Variants in ERG observed in about 807,000 individuals in gnomAD.
ERG encodes the protein ETS transcription factor ERG, also known as transcriptional regulator ERG.
Under a neutral mutation model 55.3 loss-of-function variants are expected in ERG, and 9 were observed. The observed-to-expected ratio is 0.16, with a 90% CI of 0.10 to 0.28. The LOEUF is 0.28. Ranked by LOEUF, ERG falls within the 10% of genes least tolerant of loss-of-function variation. The pLI, the probability that ERG is intolerant of heterozygous loss-of-function variation, is 1.00. For synonymous variants in ERG, 223 were observed against 237.3 expected (o/e 0.94, Z 0.55); for missense variants, 434 against 631.6 (o/e 0.69, Z 3.35).
intron 1 of ERG, among the ~76,000 whole-genome samples, chr21:38,465,370 T>C (rs1029617919): frequency 2.0e-5 from 3 of 152,176 alleles, no homozygotes; most frequent in African/African-American, 4.8e-5. Flanking sequence ...ACAGAGATAC[T>C]GAAAGATCAG....
At chr21:38,420,727 A>G (rs145780425) in intron 3 of ERG, among the ~76,000 whole-genome samples, 77 of 152,312 alleles carry the variant, frequency 5.1e-4, no homozygotes, top group African/African-American at 1.8e-3. Flanking sequence ...TGAAAAGGAT[A>G]TTTATGACAT....
chr21:38,550,793 T>A (rs1173127761), intron 2 of ERG, among the ~76,000 whole-genome samples: 1 of 152,168 alleles, frequency 6.6e-6, no homozygotes, highest in East Asian at 1.9e-4. Flanking sequence ...AGAGATGGGA[T>A]CATTGCAAAT....
chr21:38,373,598 T>G, the ERG span, among the ~76,000 whole-genome samples: 1 of 152,078 alleles, frequency 6.6e-6, no homozygotes, highest in Non-Finnish European at 1.5e-5. Context: ...TGGGTCTGAG[T>G]TCAAGCTCTG....
intron 1 of ERG, among the ~76,000 whole-genome samples, chr21:38,491,307 G>C (rs1048423962): frequency 2.6e-5 from 4 of 152,120 alleles, no homozygotes; most frequent in Non-Finnish European, 5.9e-5. Context: ...ATGGCCTTGG[G>C]GGGAATGTGA....
At chr21:38,583,569 A>G (rs2060043244) in intron 1 of ERG, among the ~76,000 whole-genome samples, 1 of 152,212 alleles carries the variant, frequency 6.6e-6, no homozygotes, top group African/African-American at 2.4e-5. Flanking sequence ...AAATACTTAT[A>G]GCTATGGGTT....
rs1005447589 is a variant in ERG at position 38,599,062 on chromosome 21, G to C, written c.-149-14117C>G. 6.6e-5 allele frequency among the ~76,000 whole-genome samples: 10 copies of C among 152,310 alleles called. 1 individual carries two copies. Among genetic ancestry groups the C allele is most frequent in the African/African-American group, 2.4e-4 (10 of 41,560 alleles). ...AAAAACCATTTAGGCTGCCTCCAAG[G>C]GTTCCCCTAGGGTTCTGAGCTACCA... On this transcript the variant is annotated intron_variant, in intron 1 of 10. Transcript: ENST00000398910.
chr21:38,574,320 T>G (rs1311458848), intron 2 of ERG, among the ~76,000 whole-genome samples: 4 of 152,212 alleles, frequency 2.6e-5, no homozygotes, highest in Non-Finnish European at 5.9e-5. Context: ...GATTTCCTAC[T>G]TGCACTTTTT....
chr21:38,478,325 G>A (rs1253610117), intron 1 of ERG, among the ~76,000 whole-genome samples: 1 of 152,194 alleles, frequency 6.6e-6, no homozygotes, highest in East Asian at 1.9e-4. Context: ...TACAGAGAAG[G>A]AACTGTGAAA....
chr21:38,603,486 G>C (rs936638298), intron 1 of ERG, among the ~76,000 whole-genome samples: 3 of 152,006 alleles, frequency 2.0e-5, no homozygotes, highest in Admixed American at 2.0e-4. Context: ...AGGCGTGGTG[G>C]TGCGCACCCT....
chr21:38,504,951 TA>T (rs1448880364), intron 2 of ERG, among the ~76,000 whole-genome samples: 1 of 152,242 alleles, frequency 6.6e-6, no homozygotes, highest in Non-Finnish European at 1.5e-5. Flanking sequence ...GATTACTTCT[TA>T]AAGAAAGATC....
At position 38,455,937 on chromosome 21, in the gene ERG, C is replaced by T. The variant is rs571999770; in HGVS notation, c.19-10316G>A. Reference sequence around the variant, plus strand: ...TGCACGTGCCAGGATGCAGGATGGGCACTTTAAGAAGAAGCCGCAAGACCA... The same window carrying T: ...TGCACGTGCCAGGATGCAGGATGGGTACTTTAAGAAGAAGCCGCAAGACCA... On this transcript the variant is annotated intron_variant, in intron 1 of 9. Coordinates refer to ENST00000288319, the MANE Select transcript of ERG (RefSeq NM_182918.4). 4.7e-5 allele frequency among the ~76,000 whole-genome samples: 7 copies of T among 148,624 alleles called. No homozygotes were observed. In the South Asian group the frequency reaches 1.5e-3, roughly 33 times the overall value.
At chr21:38,573,585 T>A (rs1039374709) in intron 2 of ERG, among the ~76,000 whole-genome samples, 5 of 152,254 alleles carry the variant, frequency 3.3e-5, no homozygotes, top group Non-Finnish European at 7.3e-5. Context: ...TACCTTCCCT[T>A]GAACTTAATT....
At chr21:38,509,967 T>A (rs1169917110) in intron 2 of ERG, among the ~76,000 whole-genome samples, 1 of 152,124 alleles carries the variant, frequency 6.6e-6, no homozygotes, top group Non-Finnish European at 1.5e-5. Flanking sequence ...TTGACTCTAA[T>A]GAGAGCCATC....
intron 6 of ERG, among the ~76,000 whole-genome samples, chr21:38,396,921 AT>A (rs1988249576): frequency 2.0e-5 from 3 of 151,918 alleles, no homozygotes; most frequent in African/African-American, 7.2e-5. Flanking sequence ...ATAATAAAAT[AT>A]ATATATATTT....
chr21:38,522,030 C>T (rs2059598641), intron 2 of ERG, among the ~76,000 whole-genome samples: 1 of 152,136 alleles, frequency 6.6e-6, no homozygotes, highest in Admixed American at 6.5e-5. Flanking sequence ...ATGTCATATA[C>T]AATAACTACA....
intron 2 of ERG, among the ~76,000 whole-genome samples, chr21:38,547,965 A>C (rs1183432712): frequency 2.0e-5 from 3 of 152,174 alleles, no homozygotes; most frequent in Non-Finnish European, 4.4e-5. Flanking sequence ...AAATACATAG[A>C]CTCTAAGCAG....
intron 7 of ERG, 66 bp from the exon 8 acceptor site, chr21:38,391,781 T>C: frequency 7.9e-7 from 1 of 1,260,544 alleles, no homozygotes; most frequent in East Asian, 2.3e-5. Context: ...TTTGATGTTG[T>C]TGCATAATCA....
intron 3 of ERG, among the ~76,000 whole-genome samples, chr21:38,404,995 C>T (rs1988694447): frequency 6.6e-6 from 1 of 152,160 alleles, no homozygotes; most frequent in Non-Finnish European, 1.5e-5. Flanking sequence ...CTCCTTCCCT[C>T]TTCCTTCCTT....
intron 1 of ERG, among the ~76,000 whole-genome samples, chr21:38,463,960 C>T (rs2059066239): frequency 1.3e-5 from 2 of 152,144 alleles, no homozygotes; most frequent in South Asian, 4.1e-4. Flanking sequence ...GTTAAGAAGT[C>T]CTGTCGTCTA....
Sources: gnomAD v4.1 joint callset for allele counts (sites outside exome capture counted in the v4.1 genomes callset) on GRCh38, gnomAD v4.1.1 for gene constraint, MANE v1.5 for transcripts, NCBI Gene and HGNC (gene_info 2026-07-23, HGNC 2026-07-21) for gene names.